The following SNAP91 variants were observed in gnomAD, a reference collection of about 807,000 sequenced individuals.
The protein encoded by SNAP91 is clathrin coat assembly protein AP180.
A neutral mutation model predicts 100.3 loss-of-function variants in SNAP91; 27 were observed. That is an observed-to-expected ratio of 0.27 (90% CI 0.20 to 0.37). The LOEUF is 0.37. Among genes scored for constraint, SNAP91 ranks in the 10% least tolerant of loss-of-function variants. SNAP91 has a pLI of 1.00. For synonymous variants in SNAP91, 404 were observed against 398.6 expected (o/e 1.01, Z -0.16); for missense variants, 986 against 1,123.7 (o/e 0.88, Z 1.75).
At chr6:83,632,071 T>G (rs2097228830) in intron 8 of SNAP91, among the ~76,000 whole-genome samples, 1 of 152,146 alleles carries the variant, frequency 6.6e-6, no homozygotes, top group African/African-American at 2.4e-5. Flanking sequence ...AGCATTCATT[T>G]GTCTGAAAAA....
At chr6:83,572,245 T>C (rs1809335539) in intron 26 of SNAP91, among the ~76,000 whole-genome samples, 1 of 152,066 alleles carries the variant, frequency 6.6e-6, no homozygotes, top group Non-Finnish European at 1.5e-5. Flanking sequence ...GCTCTAAACG[T>C]TTTTTCCTTT....
At chr6:83,696,149 G>T (rs1213575956) in intron 2 of SNAP91, among the ~76,000 whole-genome samples, 2 of 152,048 alleles carry the variant, frequency 1.3e-5, no homozygotes, top group African/African-American at 2.4e-5. Context: ...CTGCAACCTA[G>T]ATGTTTTAGG....
chr6:83,574,043 T>G (rs1357441082), intron 26 of SNAP91, among the ~76,000 whole-genome samples: 1 of 152,084 alleles, frequency 6.6e-6, no homozygotes, highest in Non-Finnish European at 1.5e-5. Flanking sequence ...AAATTTTTAA[T>G]TAGAATTTAT....
At chr6:83,657,636 A>G (rs1297812868) in intron 6 of SNAP91, among the ~76,000 whole-genome samples, 1 of 152,238 alleles carries the variant, frequency 6.6e-6, no homozygotes, top group Non-Finnish European at 1.5e-5. Flanking sequence ...CAATCTTAAC[A>G]GAGATGCTAA....
chr6:83,620,765 A>G (rs1421843127), intron 9 of SNAP91, among the ~76,000 whole-genome samples: 5 of 151,490 alleles, frequency 3.3e-5, no homozygotes, highest in Admixed American at 2.0e-4. Context: ...AGGCTGGAGT[A>G]CAGTGGCGCG....
chr6:83,610,655 T>C lies in SNAP91; in HGVS notation c.907A>G (p.Ser303Gly). Reference sequence around the variant, plus strand: ...AAACAAAAAACCAAACTTACCTTACTTAATGGAGAGGGAGCACCAGATCTA... The same window carrying C: ...AAACAAAAAACCAAACTTACCTTACCTAATGGAGAGGGAGCACCAGATCTA... Reference protein sequence around the residue: ...NEGSGAPSPLSKSSPATTVTS... With the variant: ...NEGSGAPSPLGKSSPATTVTS... Residue 303 changes from serine to glycine, a missense_variant, in exon 12 of 30, where the codon AGT becomes GGT. Ser to Gly is a moderately conservative substitution (Grantham distance 56). Transcript: ENST00000369694. The C allele has an allele frequency of 3.4e-6, 2 of 584,342 alleles. No homozygotes were observed. The highest frequency in any genetic ancestry group is 6.4e-6 in the Non-Finnish European group (2 of 311,812). The allele number at this position is 584,342 out of a possible 1,614,324, so 36.2% of individuals were successfully genotyped here. A position where few individuals can be genotyped will look rare whatever the true frequency, so the allele number is the denominator to read the frequency against.
At chr6:83,651,550 C>T (rs1270191298) in intron 7 of SNAP91, among the ~76,000 whole-genome samples, 1 of 152,090 alleles carries the variant, frequency 6.6e-6, no homozygotes, top group African/African-American at 2.4e-5. Flanking sequence ...CTGAGATTTT[C>T]CAGTTACTTT....
chr6:83,573,866 C>G (rs1012419331), intron 26 of SNAP91, among the ~76,000 whole-genome samples: 4 of 152,148 alleles, frequency 2.6e-5, no homozygotes, highest in African/African-American at 9.7e-5. Flanking sequence ...AAAACCTAGG[C>G]AATACCATTC....
At chr6:83,634,166 T>C (rs895789045) in intron 8 of SNAP91, among the ~76,000 whole-genome samples, 5 of 152,178 alleles carry the variant, frequency 3.3e-5, no homozygotes, top group African/African-American at 1.2e-4. Context: ...CCTGTGGCCT[T>C]TTCCCAGTGC....
intron 2 of SNAP91, among the ~76,000 whole-genome samples, chr6:83,702,494 A>T (rs573255850): frequency 6.5e-4 from 99 of 152,342 alleles, no homozygotes; most frequent in African/African-American, 2.3e-3. Flanking sequence ...TAAACATTAC[A>T]ACTAATGTGG....
At chr6:83,670,641 G>T (rs2128817065) in intron 2 of SNAP91, among the ~76,000 whole-genome samples, 1 of 151,958 alleles carries the variant, frequency 6.6e-6, no homozygotes, top group East Asian at 1.9e-4. Context: ...TTTTAGGGTT[G>T]TACGTACACT....
At chr6:83,610,597 TA>T in intron 12 of SNAP91, 52 bp downstream of exon 12, 3 of 582,776 alleles carry the variant, frequency 5.1e-6, no homozygotes, top group South Asian at 2.4e-5. Context: ...TTTATGATGG[TA>T]AAATGGTAAA....
chr6:83,692,649 T>C (rs552609256), intron 2 of SNAP91, among the ~76,000 whole-genome samples: 1 of 152,304 alleles, frequency 6.6e-6, no homozygotes, highest in East Asian at 1.9e-4. Context: ...GGAATTACAC[T>C]AAGCACTCTG....
chr6:83,591,168 A>G (rs1298365248), intron 22 of SNAP91, 43 bp downstream of exon 22: 2 of 1,225,884 alleles, frequency 1.6e-6, no homozygotes, highest in Non-Finnish European at 2.4e-6. Flanking sequence ...ATAAAAATAT[A>G]TCCAAATTTA....
chr6:83,614,179 A>T (rs913344732), intron 11 of SNAP91, among the ~76,000 whole-genome samples: 2 of 152,200 alleles, frequency 1.3e-5, no homozygotes, highest in African/African-American at 4.8e-5. Flanking sequence ...TACATCCTTC[A>T]AATAACTTGA....
chr6:83,592,641 CA>C (rs1479759764), intron 20 of SNAP91, 103 bp from the exon 21 acceptor site: 2 of 902,634 alleles, frequency 2.2e-6, no homozygotes, highest in Admixed American at 4.3e-5. Flanking sequence ...TCACTCCAGG[CA>C]GAAAGACTGT....
intron 7 of SNAP91, among the ~76,000 whole-genome samples, chr6:83,642,672 C>A (rs1470293597): frequency 6.6e-6 from 1 of 152,198 alleles, no homozygotes; most frequent in Non-Finnish European, 1.5e-5. Context: ...GCTTTTATAG[C>A]AGCATGATTT....
chr6:83,571,542 T>C (rs1469622587), intron 26 of SNAP91, among the ~76,000 whole-genome samples: 3 of 152,178 alleles, frequency 2.0e-5, no homozygotes, highest in Non-Finnish European at 2.9e-5. Context: ...TTTTGGCCAA[T>C]TTCTCCCATT....
chr6:83,631,390 T>G (rs1161788543), intron 8 of SNAP91, among the ~76,000 whole-genome samples: 1 of 152,186 alleles, frequency 6.6e-6, no homozygotes, highest in Non-Finnish European at 1.5e-5. Context: ...ATTCATTGTT[T>G]CTTTGTTGAC....
Sources: gnomAD v4.1 joint callset for allele counts (sites outside exome capture counted in the v4.1 genomes callset) on GRCh38, gnomAD v4.1.1 for gene constraint, MANE v1.5 for transcripts, NCBI Gene and HGNC (gene_info 2026-07-23, HGNC 2026-07-21) for gene names.